The following SAMD5 variants were observed in gnomAD, a reference collection of about 807,000 sequenced individuals.
SAMD5 encodes sterile alpha motif domain-containing protein 5.
Under a neutral mutation model 11.3 loss-of-function variants are expected in SAMD5, and 13 were observed. That is an observed-to-expected ratio of 1.15 (90% confidence interval 0.75 to 1.83). The LOEUF (loss-of-function observed/expected upper bound fraction) is 1.83. Ranked by LOEUF, SAMD5 falls within the 40% of genes most tolerant of loss-of-function variation. The pLI is 0.00. For synonymous variants in SAMD5, 129 were observed against 111.3 expected (o/e 1.16, Z -1.00); for missense variants, 255 against 239.1 (o/e 1.07, Z -0.44).
chr6:147,933,003 TA>T, the SAMD5 span, among the ~76,000 whole-genome samples: 7 of 152,210 alleles, frequency 4.6e-5, no homozygotes, highest in Admixed American at 3.3e-4. Flanking sequence ...AAGCAAGATC[TA>T]AACCAGCTTG....
chr6:147,510,612 G>A (rs886081051), intron 1 of SAMD5, among the ~76,000 whole-genome samples: 9 of 152,298 alleles, frequency 5.9e-5, no homozygotes, highest in South Asian at 2.1e-4. Context: ...TGTAATGCCT[G>A]GAGTTAAGGA....
the SAMD5 span, among the ~76,000 whole-genome samples, chr6:147,859,546 T>C: frequency 1.3e-5 from 2 of 152,256 alleles, no homozygotes; most frequent in Admixed American, 6.5e-5. Context: ...AGGCGAAACA[T>C]TAGTGGCTAA....
Position 147,567,399 on chromosome 6 carries a change from G to A in SAMD5, c.*2943G>A. On this transcript the variant is annotated 3_prime_UTR_variant, in exon 2 of 2. Transcript: ENST00000367474. ...TCACTTTGGAGTTACTCAGATCTGAGTTTAAATTCTAAAATTATTCTAGTA... is the reference window on the plus strand; with the variant it reads ...TCACTTTGGAGTTACTCAGATCTGAATTTAAATTCTAAAATTATTCTAGTA... The A allele has an allele frequency of 1.0e-6, 1 of 984,664 alleles. No individual in the cohort carries two copies. Among genetic ancestry groups the A allele is most frequent in the Middle Eastern group, 5.2e-4 (1 of 1,914 alleles). 61.0% of individuals were successfully genotyped at this position (984,664 alleles called of 1,614,324 possible).
the SAMD5 span, among the ~76,000 whole-genome samples, chr6:147,809,662 G>A: frequency 6.6e-6 from 1 of 152,212 alleles, no homozygotes; most frequent in Non-Finnish European, 1.5e-5. Flanking sequence ...CAATGGCCTT[G>A]TAGATGTTGA....
At chr6:147,831,781 AT>A in the SAMD5 span, among the ~76,000 whole-genome samples, 46 of 150,518 alleles carry the variant, frequency 3.1e-4, no homozygotes, top group Admixed American at 2.0e-3. Context: ...TCTCAGCTGA[AT>A]TTTTTTTTTA....
chr6:147,827,320 A>T, the SAMD5 span, among the ~76,000 whole-genome samples: 1 of 152,130 alleles, frequency 6.6e-6, no homozygotes. Context: ...AAGGAAGGAA[A>T]AAAAGGAAGG....
At chr6:147,667,594 A>T (rs769655036) in intron 1 of SAMD5, among the ~76,000 whole-genome samples, 1 of 152,186 alleles carries the variant, frequency 6.6e-6, no homozygotes, top group Non-Finnish European at 1.5e-5. Context: ...TTCCTGTAAC[A>T]ACTTAAATTC....
the SAMD5 span, among the ~76,000 whole-genome samples, chr6:147,937,914 T>C: frequency 6.6e-6 from 1 of 152,216 alleles, no homozygotes. Context: ...ACACAGCTTT[T>C]CTAGGGTCTG....
At chr6:147,515,724 G>A (rs759727373) in intron 1 of SAMD5, among the ~76,000 whole-genome samples, 12 of 152,100 alleles carry the variant, frequency 7.9e-5, no homozygotes, top group Admixed American at 1.3e-4. Context: ...CTTGTATGTG[G>A]AGGCCTAACC....
downstream of SAMD5, among the ~76,000 whole-genome samples, chr6:147,574,454 T>G (rs1400882264): frequency 6.6e-6 from 1 of 152,130 alleles, no homozygotes; most frequent in African/African-American, 2.4e-5. Context: ...CAGAATCAAA[T>G]GTAAGGACCA....
At chr6:147,751,637 C>G in the SAMD5 span, among the ~76,000 whole-genome samples, 1 of 152,142 alleles carries the variant, frequency 6.6e-6, no homozygotes, top group Non-Finnish European at 1.5e-5. Flanking sequence ...GAATTTATAT[C>G]CTGAAAGACA....
At chr6:147,529,619 A>C (rs555829090) in intron 1 of SAMD5, among the ~76,000 whole-genome samples, 65 of 152,350 alleles carry the variant, frequency 4.3e-4, no homozygotes, top group African/African-American at 1.5e-3. Context: ...GGAATATAGC[A>C]CACATAGAAA....
At chr6:147,888,664 C>G in the SAMD5 span, among the ~76,000 whole-genome samples, 1 of 152,058 alleles carries the variant, frequency 6.6e-6, no homozygotes, top group African/African-American at 2.4e-5. Context: ...AGATGTATCA[C>G]CTGAGATCAG....
rs536023871 is a variant in SAMD5, at chr6:147,602,801, T to A, written c.162+93414T>A. On this transcript the variant is annotated intron_variant, in intron 1 of 1. Transcript: ENST00000566741. The stretch of plus-strand genomic sequence containing the variant: ...CCAAACAAAAAAAAAACTCACCCAA[T>A]AAAATAGAGTAGTTCTAGAATAAGA... Among the ~76,000 whole-genome samples the A allele has an allele frequency of 2.7e-3, 413 of 151,020 alleles. 3 individuals are homozygous for A. Among genetic ancestry groups the A allele is most frequent in the African/African-American group, 9.4e-3 (387 of 41,128 alleles).
In SAMD5 at chr6:147,566,770, A is replaced by G. The variant is rs1789048486; in HGVS notation, c.*2314A>G. The stretch of plus-strand genomic sequence containing the variant: ...AAGCTAGAGGAAGAAAACTTCAAAT[A>G]AGCAAAGAAGTATTGAAGGATGCCC... On this transcript the variant is annotated 3_prime_UTR_variant, in exon 2 of 2. Transcript: ENST00000367474. 3 of 984,342 alleles carry G rather than the reference A, an allele frequency of 3.0e-6. No homozygotes were observed. The African/African-American group carries it at 5.2e-5, about 17-fold the overall frequency. 61.0% of individuals were successfully genotyped at this position (984,342 alleles called of 1,614,324 possible).
chr6:147,585,211 T>C (rs1343449556), intron 1 of SAMD5, among the ~76,000 whole-genome samples: 3 of 152,238 alleles, frequency 2.0e-5, no homozygotes, highest in African/African-American at 4.8e-5. Flanking sequence ...GGATCTGTTC[T>C]GGAGAGGGGT....
the SAMD5 span, among the ~76,000 whole-genome samples, chr6:147,840,630 G>A: frequency 1.3e-5 from 2 of 152,186 alleles, no homozygotes; most frequent in Non-Finnish European, 2.9e-5. Flanking sequence ...GATATGGAGT[G>A]GAAAGCAAGA....
chr6:147,757,088 T>A, the SAMD5 span, among the ~76,000 whole-genome samples: 1 of 152,230 alleles, frequency 6.6e-6, no homozygotes, highest in Admixed American at 6.5e-5. Context: ...GAAATACTGC[T>A]GCTGCTCGTT....
At chr6:147,853,694 A>T in the SAMD5 span, among the ~76,000 whole-genome samples, 22,385 of 151,956 alleles carry the variant, frequency 0.15, 1,861 homozygotes, top group East Asian at 0.35. Context: ...ATTTCCTGCA[A>T]AAGAAAAACT....
Sources: gnomAD v4.1 joint callset for allele counts (sites outside exome capture counted in the v4.1 genomes callset) on GRCh38, gnomAD v4.1.1 for gene constraint, MANE v1.5 for transcripts, NCBI Gene and HGNC (gene_info 2026-07-23, HGNC 2026-07-21) for gene names.